Variants in NCS1 observed in about 807,000 individuals in gnomAD.
NCS1 encodes frequenin homolog.
A neutral mutation model predicts 28.4 loss-of-function variants in NCS1; 6 were observed. The observed-to-expected ratio is 0.21, with a 90% CI of 0.12 to 0.42. The LOEUF (loss-of-function observed/expected upper bound fraction) is 0.42. Ranked by LOEUF, NCS1 falls within the 10% of genes least tolerant of loss-of-function variation. The pLI, the probability that NCS1 is intolerant of heterozygous loss-of-function variation, is 1.00. For synonymous variants in NCS1, 86 were observed against 99.3 expected, an observed-to-expected ratio of 0.87 and a Z score of 0.79; for missense variants, 131 against 241.4, an observed-to-expected ratio of 0.54 and a Z score of 3.03.
In NCS1 at chr9:130,172,635, C is replaced by T; in HGVS notation, c.-29C>T. ...CTGGGCGCCCCAACCGGGTCCGGCC[C>T]GGGGGGGCGGGGGCCGCGGCCGCCG... On this transcript the variant is annotated 5_prime_UTR_variant, in exon 1 of 8. Transcript: ENST00000372398. The T allele has an allele frequency of 1.4e-6, 2 of 1,408,376 alleles. No homozygotes were observed. The highest frequency in any genetic ancestry group is 4.1e-4 in the Middle Eastern group (2 of 4,820). 87.2% of individuals were successfully genotyped at this position (1,408,376 alleles called of 1,614,324 possible).
Position 130,234,856 on chromosome 9 carries a change from C to A in NCS1, c.*1884C>A, listed in dbSNP as rs114418161. 0.071 allele frequency: 10,857 copies of A among 152,294 alleles called. 452 individuals are homozygous for A. Among genetic ancestry groups the A allele is most frequent in the African/African-American group, 0.11 (4,774 of 41,514 alleles). 9.4% of individuals were successfully genotyped at this position (152,294 alleles called of 1,614,324 possible). ...GGTGAGAAGCCGCTTCCCAGACTGT[C>A]AGGGCCAGGCCTGGGTCTAGAATTC... On this transcript the variant is annotated 3_prime_UTR_variant, in exon 8 of 8. Transcript: ENST00000372398. The surrounding 1 kb of genome is among the most constrained non-coding windows in gnomAD (Gnocchi z 6.1).
chr9:130,226,146 G>A lies in NCS1; in HGVS notation c.475-243G>A, dbSNP rs567979991. On this transcript the variant is annotated intron_variant, in intron 6 of 7. Transcript: ENST00000372398. This position sits in a 1 kb window ranked among gnomAD's most constrained non-coding sequence, Gnocchi z 4.8. ...GCTGTCACCCGAGTGCCTGGAGGAA[G>A]CCAGGTAATTACCCTCCATCCCCAG... Among the ~76,000 whole-genome samples, 1 of 152,368 alleles carries A rather than the reference G, an allele frequency of 6.6e-6. No individual in the cohort carries two copies. The highest frequency in any genetic ancestry group is 1.9e-4 in the East Asian group (1 of 5,184).
At chr9:130,179,031 T>C in intron 1 of NCS1, among the ~76,000 whole-genome samples, 1 of 148,142 alleles carries the variant, frequency 6.8e-6, no homozygotes, top group Non-Finnish European at 1.5e-5. Flanking sequence ...ACCTCCCGGG[T>C]TCAAGCAAAT....
intron 1 of NCS1, among the ~76,000 whole-genome samples, chr9:130,176,174 CTTTCTTTCTTTCTTTCTTTCT>C (rs1832565454): frequency 1.6e-5 from 1 of 63,488 alleles, no homozygotes; most frequent in Admixed American, 2.0e-4. Context: ...TTCTTTCTTT[CTTTCTTTCTTTCTTTCTTTCT>C]TTTTTTTTTT....
chr9:130,189,909 T>TATATA (rs1564704684), intron 1 of NCS1, among the ~76,000 whole-genome samples: 1 of 125,732 alleles, frequency 8.0e-6, no homozygotes, highest in African/African-American at 3.2e-5. Context: ...TATATATATA[T>TATATA]TCCCAAGGTC....
intron 2 of NCS1, among the ~76,000 whole-genome samples, chr9:130,201,910 G>A (rs1297450801): frequency 6.6e-6 from 1 of 152,180 alleles, no homozygotes; most frequent in African/African-American, 2.4e-5. Flanking sequence ...CTTCACCCAT[G>A]TGGCTCTGCT....
At chr9:130,187,397 C>T (rs907009864) in intron 1 of NCS1, among the ~76,000 whole-genome samples, 2 of 152,134 alleles carry the variant, frequency 1.3e-5, no homozygotes, top group Non-Finnish European at 2.9e-5. Context: ...CCTCCACCCT[C>T]CGCTCTTAAA....
chr9:130,187,002 G>A (rs1379553207), intron 1 of NCS1, among the ~76,000 whole-genome samples: 4 of 152,232 alleles, frequency 2.6e-5, no homozygotes, highest in Non-Finnish European at 1.5e-5. Flanking sequence ...GTTGTGGAGT[G>A]GGGTTGCTGA....
rs10658970 is a variant in NCS1, at chr9:130,222,114, GTA to G, written c.308-526_308-525del. On this transcript the variant is annotated intron_variant, in intron 4 of 7. Transcript: ENST00000372398. ...TATGTGTGTGTGTATATATATATAC[GTA>G]TATATATATGTGTATATATATATAC... Among the ~76,000 whole-genome samples the G allele has an allele frequency of 9.2e-5, 7 of 76,176 alleles. 2 individuals are homozygous for G. Among genetic ancestry groups the G allele is most frequent in the African/African-American group, 2.8e-4 (6 of 21,636 alleles). 50.0% of individuals were successfully genotyped at this position (76,176 alleles called of 152,430 possible). A position where few individuals can be genotyped will look rare whatever the true frequency, so the allele number is the denominator to read the frequency against.
rs1554907389 is a variant in NCS1 at position 130,200,812 on chromosome 9, C to G, written c.65-146C>G. 9.9e-6 allele frequency: 14 copies of G among 1,407,588 alleles called. No homozygotes were observed. In the East Asian group the frequency reaches 3.2e-4, roughly 32 times the overall value. 87.2% of individuals were successfully genotyped at this position (1,407,588 alleles called of 1,614,324 possible). A position where few individuals can be genotyped will look rare whatever the true frequency, so the allele number is the denominator to read the frequency against. On this transcript the variant is annotated intron_variant, in intron 1 of 7. Transcript: ENST00000372398. ...TGGCTAGGACTGCTCACCAAGGGAG[C>G]ATTTTCTCATCCAGAGCAGGCCGTT...
chr9:130,222,411 C>G (rs1833343473), intron 4 of NCS1, among the ~76,000 whole-genome samples: 1 of 152,060 alleles, frequency 6.6e-6, no homozygotes, highest in Non-Finnish European at 1.5e-5. Flanking sequence ...CCTCAGCCTC[C>G]CAAAGTCCTG....
rs1554907420 is a variant in NCS1, at chr9:130,200,970, A to T, written c.77A>T (p.Glu26Val). The T allele has an allele frequency of 6.2e-7, 1 of 1,614,088 alleles. No homozygotes were observed. Among genetic ancestry groups the T allele is most frequent in the African/African-American group, 1.3e-5 (1 of 75,002 alleles). ...LTRKTYFTEK[E>V]VQQWYKGFIK... ...CTTTCTCTTGCAGTTACCGAGAAGG[A>T]GGTCCAGCAGTGGTGAGTAGCTGCT... The change falls in exon 2 of 8, where the codon GAG becomes GTG. Residue 26 changes from glutamate (E) to valine (V), a missense_variant. Transcript: ENST00000372398.
At chr9:130,206,653 G>A (rs1007472036) in intron 2 of NCS1, among the ~76,000 whole-genome samples, 45 of 152,008 alleles carry the variant, frequency 3.0e-4, no homozygotes, top group African/African-American at 9.4e-4. Flanking sequence ...CAGATGATCC[G>A]CCCACCTCAG....
chr9:130,178,383 A>G (rs1832604650), intron 1 of NCS1, among the ~76,000 whole-genome samples: 2 of 152,234 alleles, frequency 1.3e-5, no homozygotes, highest in African/African-American at 4.8e-5. Flanking sequence ...AATGGGACCC[A>G]GCTTCTCCCT....
At position 130,205,206 on chromosome 9, in the gene NCS1, G is replaced by A. The variant is rs144980674; in HGVS notation, c.89+4224G>A. Among the ~76,000 whole-genome samples, 87 of 152,202 alleles carry A rather than the reference G, an allele frequency of 5.7e-4. 1 individual carries two copies. Among genetic ancestry groups the A allele is most frequent in the African/African-American group, 1.9e-3 (77 of 41,520 alleles). On this transcript the variant is annotated intron_variant, in intron 2 of 7. Coordinates refer to ENST00000372398, the MANE Select transcript of NCS1 (RefSeq NM_014286.4). ...GAACTTGGGTCATATCCACCCAGGC[G>A]TAGAAAACAGCAAGGACAAGGGCTG...
chr9:130,213,272 CTTTTCTTTCTTTTT>C (rs1209684750), intron 2 of NCS1, among the ~76,000 whole-genome samples: 1 of 151,894 alleles, frequency 6.6e-6, no homozygotes, highest in Non-Finnish European at 1.5e-5. Context: ...CACTGGTTTT[CTTTTCTTTCTTTTT>C]TTTTCTTTTG....
chr9:130,207,661 C>T (rs1554908266), intron 2 of NCS1, among the ~76,000 whole-genome samples: 5 of 152,250 alleles, frequency 3.3e-5, no homozygotes, highest in African/African-American at 1.2e-4. Flanking sequence ...GACTAGAACT[C>T]GGGCTCCAGT....
At position 130,219,867 on chromosome 9, in the gene NCS1, C is replaced by T; in HGVS notation, c.307+64C>T. ...GAGGGCCCAGGTCAGAGGGAGGCAG[C>T]CCTCGGCCCTCACCAGGCAGGGGTG... On this transcript the variant is annotated intron_variant, in intron 4 of 7. Coordinates refer to ENST00000372398, the MANE Select transcript of NCS1 (RefSeq NM_014286.4). This position sits in a 1 kb window ranked among gnomAD's most constrained non-coding sequence, Gnocchi z 5.7. 1.3e-6 allele frequency: 2 copies of T among 1,534,018 alleles called. No individual in the cohort carries two copies. The highest frequency in any genetic ancestry group is 9.0e-7 in the Non-Finnish European group (1 of 1,109,008).
intron 1 of NCS1, among the ~76,000 whole-genome samples, chr9:130,176,491 C>T (rs543160958): frequency 2.6e-5 from 4 of 152,282 alleles, no homozygotes; most frequent in African/African-American, 9.6e-5. Context: ...CCACCGCACC[C>T]GGCCTTAATA....
Sources: allele counts gnomAD v4.1 joint callset (sites outside exome capture counted in the v4.1 genomes callset), GRCh38; gene constraint gnomAD v4.1.1; non-coding constraint Gnocchi (gnomAD v3.1); transcripts MANE v1.5; gene names NCBI Gene and HGNC (gene_info 2026-07-23, HGNC 2026-07-21).